Variants in GBE1 observed in about 807,000 individuals in gnomAD.
The protein encoded by GBE1 is 1,4-alpha-glucan-branching enzyme.
Under a neutral mutation model 88.8 loss-of-function variants are expected in GBE1, and 70 were observed. The observed-to-expected ratio is 0.79, with a 90% CI of 0.65 to 0.96. The LOEUF (loss-of-function observed/expected upper bound fraction) is 0.96. GBE1 is among the 40% of genes least tolerant of loss of function. The pLI is 0.00. For synonymous variants in GBE1, 284 were observed against 300.1 expected, an observed-to-expected ratio of 0.95 and a Z score of 0.56; for missense variants, 872 against 871.0, an observed-to-expected ratio of 1.00 and a Z score of -0.01.
At chr3:81,533,789 G>GAAC (rs1703038587) in intron 14 of GBE1, among the ~76,000 whole-genome samples, 1 of 152,072 alleles carries the variant, frequency 6.6e-6, no homozygotes, top group African/African-American at 2.4e-5. Flanking sequence ...TATTCTTGAA[G>GAAC]AGATGCACAA....
chr3:81,736,421 T>C (rs1706258149), intron 1 of GBE1, among the ~76,000 whole-genome samples: 1 of 152,184 alleles, frequency 6.6e-6, no homozygotes, highest in South Asian at 2.1e-4. Context: ...AGACTCCTGT[T>C]AACAACACTC....
chr3:81,756,175 T>C (rs767102543), intron 1 of GBE1, among the ~76,000 whole-genome samples: 1 of 152,220 alleles, frequency 6.6e-6, no homozygotes, highest in Non-Finnish European at 1.5e-5. Flanking sequence ...ATCAAACTTT[T>C]AGTCTCTGAT....
intron 6 of GBE1, among the ~76,000 whole-genome samples, 167 bp from the exon 7 acceptor site, chr3:81,643,157 GCAA>G (rs1704715025): frequency 6.6e-6 from 1 of 151,908 alleles, no homozygotes; most frequent in East Asian, 1.9e-4. Flanking sequence ...CAAATATTAA[GCAA>G]ATTTAAAACC....
chr3:81,715,705 T>C (rs1261035070), intron 1 of GBE1, among the ~76,000 whole-genome samples: 1 of 152,188 alleles, frequency 6.6e-6, no homozygotes, highest in East Asian at 1.9e-4. Flanking sequence ...CCTTCAATTT[T>C]CACTTAACAA....
chr3:81,587,095 C>T (rs1347469137), intron 9 of GBE1, among the ~76,000 whole-genome samples: 1 of 152,102 alleles, frequency 6.6e-6, no homozygotes, highest in Non-Finnish European at 1.5e-5. Context: ...AGCCACCACA[C>T]CCAGTCGAGA....
chr3:81,599,987 C>T (rs1439405998), intron 7 of GBE1, among the ~76,000 whole-genome samples: 5 of 152,088 alleles, frequency 3.3e-5, no homozygotes, highest in East Asian at 1.9e-4. Flanking sequence ...TTTAGATAAG[C>T]GATTGGCTGG....
Position 81,671,497 on chromosome 3 carries a change from C to T in GBE1, c.314-544G>A, listed in dbSNP as rs368663765. Among the ~76,000 whole-genome samples, 141 of 152,148 alleles carry T rather than the reference C, an allele frequency of 9.3e-4. 3 individuals are homozygous for T. The South Asian group carries it at 0.029, about 31-fold the overall frequency. ...ATGCAGAACGTGGAAGAAAGTAAAA[C>T]CAACAAGAGCAGACTCACACACACG... On this transcript the variant is annotated intron_variant, in intron 2 of 15. Coordinates refer to ENST00000429644, the MANE Select transcript of GBE1 (RefSeq NM_000158.4).
At chr3:81,532,999 G>C (rs1427297031) in intron 14 of GBE1, among the ~76,000 whole-genome samples, 1 of 151,824 alleles carries the variant, frequency 6.6e-6, no homozygotes, top group Non-Finnish European at 1.5e-5. Context: ...GAACATTCTT[G>C]CTCCTTGTTC....
chr3:81,639,301 T>G (rs1704635658), intron 7 of GBE1, among the ~76,000 whole-genome samples: 1 of 152,018 alleles, frequency 6.6e-6, no homozygotes, highest in African/African-American at 2.4e-5. Context: ...CCTTTTTAAA[T>G]TTTCTAATTA....
chr3:81,634,820 G>A (rs1704570029), intron 7 of GBE1, among the ~76,000 whole-genome samples: 1 of 152,134 alleles, frequency 6.6e-6, no homozygotes, highest in African/African-American at 2.4e-5. Flanking sequence ...AAAAGTTAGT[G>A]AAGGAACATG....
rs1207121713 is a variant in GBE1 at position 81,594,064 on chromosome 3, G to A, written c.993-41C>T. ...AATATGTATTTAAGCAAAATGTGAA[G>A]AGCATTTTCCTTAACTGTTATAAAT... On this transcript the variant is annotated intron_variant, in intron 7 of 15. Transcript: ENST00000429644. 19 of 928,296 alleles carry A rather than the reference G, an allele frequency of 2.0e-5. No homozygotes were observed. In the South Asian group the frequency reaches 2.4e-4, roughly 12 times the overall value. The allele number at this position is 928,296 out of a possible 1,614,324, so 57.5% of individuals were successfully genotyped here. A position where few individuals can be genotyped will look rare whatever the true frequency, so the allele number is the denominator to read the frequency against.
At chr3:81,740,786 ACAC>A (rs1384822181) in intron 1 of GBE1, among the ~76,000 whole-genome samples, 1 of 151,964 alleles carries the variant, frequency 6.6e-6, no homozygotes, top group Admixed American at 6.6e-5. Context: ...ACACACACAC[ACAC>A]AATTTATTTA....
chr3:81,531,707 GAAAAAGT>G (rs1703013378), intron 14 of GBE1, among the ~76,000 whole-genome samples: 1 of 151,914 alleles, frequency 6.6e-6, no homozygotes, highest in South Asian at 2.1e-4. Flanking sequence ...CGAGTTATAA[GAAAAAGT>G]CCTCTTTACT....
intron 3 of GBE1, among the ~76,000 whole-genome samples, chr3:81,659,080 G>A (rs1704984634): frequency 6.6e-6 from 1 of 151,970 alleles, no homozygotes. Context: ...GAAAGAGTGT[G>A]CTTCAAAGAG....
intron 7 of GBE1, among the ~76,000 whole-genome samples, chr3:81,629,738 T>C (rs1409993354): frequency 1.3e-5 from 2 of 152,128 alleles, no homozygotes; most frequent in African/African-American, 4.8e-5. Context: ...TATTATACTT[T>C]AAGTTTTAGG....
intron 12 of GBE1, among the ~76,000 whole-genome samples, chr3:81,562,089 T>C (rs991831299): frequency 1.3e-5 from 2 of 152,094 alleles, no homozygotes; most frequent in Admixed American, 1.3e-4. Context: ...CTCTGGATAG[T>C]GAGCTCCTTG....
chr3:81,716,411 C>A (rs1705938502), intron 1 of GBE1, among the ~76,000 whole-genome samples: 1 of 152,018 alleles, frequency 6.6e-6, no homozygotes, highest in African/African-American at 2.4e-5. Context: ...GTTAAATATT[C>A]TTTCTTAATT....
At chr3:81,662,250 T>C (rs2107099261) in intron 3 of GBE1, among the ~76,000 whole-genome samples, 1 of 152,276 alleles carries the variant, frequency 6.6e-6, no homozygotes, top group South Asian at 2.1e-4. Context: ...CAGGCTGATC[T>C]CAAACTCCCC....
chr3:81,675,983 T>A (rs542371102), intron 2 of GBE1, among the ~76,000 whole-genome samples: 2 of 152,272 alleles, frequency 1.3e-5, no homozygotes, highest in Admixed American at 1.3e-4. Flanking sequence ...AAGATCTTTA[T>A]GATGATCCAC....
Sources: allele counts gnomAD v4.1 joint callset (sites outside exome capture counted in the v4.1 genomes callset), GRCh38; gene constraint gnomAD v4.1.1; transcripts MANE v1.5; gene names NCBI Gene and HGNC (gene_info 2026-07-23, HGNC 2026-07-21).